NPR3: variants seen among roughly 807,000 people sequenced by gnomAD.
The protein encoded by NPR3 is natriuretic peptide receptor 3.
In NPR3, 34 loss-of-function variants were observed where a neutral mutation model predicts 54.5. The ratio of observed to expected loss-of-function variants is 0.62; its 90% CI spans 0.47 to 0.83. The LOEUF (loss-of-function observed/expected upper bound fraction) is 0.83, where lower values mean the gene tolerates loss of function less well. Among genes scored for constraint, NPR3 ranks in the 40% least tolerant of loss-of-function variants. The probability of loss-of-function intolerance (pLI) is 0.00; values close to 1 mark genes in which losing one functional copy is unlikely to be tolerated. For missense variants in NPR3, 674 were observed against 720.8 expected (o/e 0.94, Z 0.74); for synonymous variants, 289 against 297.1 (o/e 0.97, Z 0.28).
At chr5:32,782,516 G>A (rs1478694827) in intron 5 of NPR3, among the ~76,000 whole-genome samples, 1 of 152,084 alleles carries the variant, frequency 6.6e-6, no homozygotes, top group African/African-American at 2.4e-5. Flanking sequence ...GAATCCTAGG[G>A]GCAGCACTGA....
At chr5:32,763,443 C>T (rs1741280245) in intron 3 of NPR3, among the ~76,000 whole-genome samples, 1 of 151,466 alleles carries the variant, frequency 6.6e-6, no homozygotes, top group South Asian at 2.1e-4. Flanking sequence ...CTGCTTCATT[C>T]TCCCTAGTAG....
chr5:32,731,801 T>C (rs1185076768), intron 2 of NPR3, among the ~76,000 whole-genome samples: 1 of 152,164 alleles, frequency 6.6e-6, no homozygotes, highest in Non-Finnish European at 1.5e-5. Context: ...CGTCCAGTTG[T>C]AGTGATTTTA....
chr5:32,755,769 T>G (rs1740803334), intron 3 of NPR3, among the ~76,000 whole-genome samples: 1 of 152,244 alleles, frequency 6.6e-6, no homozygotes, highest in Admixed American at 6.5e-5. Context: ...GTTCTATACC[T>G]ACATTGCCGC....
chr5:32,782,490 G>A (rs1403593402), intron 5 of NPR3, among the ~76,000 whole-genome samples: 1 of 152,172 alleles, frequency 6.6e-6, no homozygotes, highest in Non-Finnish European at 1.5e-5. Context: ...TTTTCCACGA[G>A]GGGGTAGTGA....
At chr5:32,747,073 T>C (rs700928) in intron 3 of NPR3, among the ~76,000 whole-genome samples, 4,637 of 152,282 alleles carry the variant, frequency 0.03, 233 homozygotes, top group African/African-American at 0.11. Context: ...TAAAGAGTTA[T>C]AGATAAACAT....
chr5:32,691,385 A>T (rs546467501), intron 1 of NPR3, among the ~76,000 whole-genome samples: 1 of 152,370 alleles, frequency 6.6e-6, no homozygotes, highest in Non-Finnish European at 1.5e-5. Flanking sequence ...AATGTATCAC[A>T]TGCAGTTCCT....
intron 3 of NPR3, among the ~76,000 whole-genome samples, chr5:32,744,225 T>C (rs930562484): frequency 6.6e-5 from 10 of 152,046 alleles, no homozygotes; most frequent in Admixed American, 4.6e-4. Flanking sequence ...TCTCTTGACC[T>C]TGTCATCTGC....
chr5:32,717,352 C>T (rs991501767), intron 1 of NPR3, among the ~76,000 whole-genome samples: 5 of 152,050 alleles, frequency 3.3e-5, no homozygotes, highest in Non-Finnish European at 5.9e-5. Context: ...ATTTATAATC[C>T]TTTGGGTATA....
rs970639945 is a variant in NPR3 at position 32,791,352 on chromosome 5, C to T, written c.*5007C>T. On this transcript the variant is annotated 3_prime_UTR_variant, in exon 8 of 8. Coordinates refer to ENST00000265074, the MANE Select transcript of NPR3 (RefSeq NM_001204375.2). ...CCCCTGTCTTCTGGGTCACATTATT[C>T]ATTGTTGATTTAAATACAGGACTAC... 2 of 167,032 alleles carry T rather than the reference C, an allele frequency of 1.2e-5. No homozygotes were observed. Among genetic ancestry groups the T allele is most frequent in the Non-Finnish European group, 2.9e-5 (2 of 68,118 alleles). The allele number at this position is 167,032 out of a possible 1,614,324, so 10.3% of individuals were successfully genotyped here. A position where few individuals can be genotyped will look rare whatever the true frequency, so the allele number is the denominator to read the frequency against.
In NPR3 at chr5:32,712,550, G is replaced by A. The variant is rs770329183; in HGVS notation, c.769+5G>A. ...ATATCCAGGCCAGTGAGAGAGGTGA[G>A]CAGGGGCGCGTCCCGGGCCCCGGGC... On this transcript the variant is annotated splice_donor_5th_base_variant and intron_variant, in intron 1 of 7. Coordinates refer to ENST00000265074, the MANE Select transcript of NPR3 (RefSeq NM_001204375.2). 2.0e-6 allele frequency: 3 copies of A among 1,506,364 alleles called. No individual in the cohort carries two copies. The Admixed American group carries it at 6.3e-5, about 32-fold the overall frequency. The allele number at this position is 1,506,364 out of a possible 1,614,324, so 93.3% of individuals were successfully genotyped here.
chr5:32,769,731 A>G (rs190364802), intron 3 of NPR3, among the ~76,000 whole-genome samples: 1 of 152,328 alleles, frequency 6.6e-6, no homozygotes, highest in Admixed American at 6.5e-5. Flanking sequence ...TTCTTCCAGC[A>G]GCCTCTATCT....
At chr5:32,744,409 AC>A (rs1740194468) in intron 3 of NPR3, among the ~76,000 whole-genome samples, 1 of 152,148 alleles carries the variant, frequency 6.6e-6, no homozygotes, top group Admixed American at 6.5e-5. Context: ...TATCTTGGGC[AC>A]CTTTCTGAGA....
chr5:32,699,842 A>G (rs2111815173), intron 1 of NPR3, among the ~76,000 whole-genome samples: 1 of 152,280 alleles, frequency 6.6e-6, no homozygotes. Context: ...CTTTTCTTTC[A>G]GATTGAATCA....
At chr5:32,743,987 A>ATCTTTTTTTTTTTTTTTT (rs1425701544) in intron 3 of NPR3, among the ~76,000 whole-genome samples, 1 of 113,834 alleles carries the variant, frequency 8.8e-6, no homozygotes, top group Non-Finnish European at 1.8e-5. Context: ...ATTCTGATGC[A>ATCTTTTTTTTTTTTTTTT]TTTTTTTTTT....
intron 2 of NPR3, among the ~76,000 whole-genome samples, chr5:32,737,124 T>C (rs1488825026): frequency 6.6e-6 from 1 of 152,154 alleles, no homozygotes; most frequent in African/African-American, 2.4e-5. Flanking sequence ...CCTCCCCTCC[T>C]ATTAAAATCG....
intron 1 of NPR3, chr5:32,716,461 G>A (rs1169686150): frequency 2.2e-6 from 1 of 449,798 alleles, no homozygotes; most frequent in East Asian, 7.0e-5. Flanking sequence ...AACCACACAT[G>A]CAAGCTTTCT....
chr5:32,706,972 T>C (rs1158891420), upstream of NPR3, among the ~76,000 whole-genome samples: 1 of 152,238 alleles, frequency 6.6e-6, no homozygotes, highest in Non-Finnish European at 1.5e-5. Flanking sequence ...ACATGAACTT[T>C]TTGAAGTCCC....
Position 32,711,512 on chromosome 5 carries a change from T to A in NPR3, c.-265T>A. On this transcript the variant is annotated 5_prime_UTR_variant, in exon 1 of 8. An upstream start codon of the reference 5' UTR is lost. Transcript: ENST00000265074. ...GCGAATATATACAAGTATATATATATGTATATTACAGACGCACAGGTTTAC... is the reference window on the plus strand; with the variant it reads ...GCGAATATATACAAGTATATATATAAGTATATTACAGACGCACAGGTTTAC... 8.5e-7 allele frequency: 1 copy of A among 1,173,880 alleles called. No individual in the cohort carries two copies. The highest frequency in any genetic ancestry group is 1.1e-6 in the Non-Finnish European group (1 of 949,852). The allele number at this position is 1,173,880 out of a possible 1,614,324, so 72.7% of individuals were successfully genotyped here.
Position 32,711,408 on chromosome 5 carries a change from A to C in NPR3, c.-369A>C. ...GTCTAACTTTTTTTTTCTTCTACAA[A>C]AACGCTTTCAAAAGCAACCTTAGCA... is the stretch of plus-strand genomic sequence containing the variant. On this transcript the variant is annotated 5_prime_UTR_variant, in exon 1 of 8. Coordinates refer to ENST00000265074, the MANE Select transcript of NPR3 (RefSeq NM_001204375.2). 9.8e-7 allele frequency: 1 copy of C among 1,018,632 alleles called. No individual in the cohort carries two copies. Among genetic ancestry groups the C allele is most frequent in the South Asian group, 4.6e-5 (1 of 21,586 alleles). 63.1% of individuals were successfully genotyped at this position (1,018,632 alleles called of 1,614,324 possible).
Sources: gnomAD v4.1 joint callset for allele counts (sites outside exome capture counted in the v4.1 genomes callset) on GRCh38, gnomAD v4.1.1 for gene constraint, MANE v1.5 for transcripts, NCBI Gene and HGNC (gene_info 2026-07-23, HGNC 2026-07-21) for gene names.